The following ARHGAP24 variants were observed in gnomAD, a reference collection of about 807,000 sequenced individuals.
ARHGAP24 encodes the protein Rho GTPase activating protein 24.
A neutral mutation model predicts 76.4 loss-of-function variants in ARHGAP24; 50 were observed. The observed-to-expected ratio is 0.65, with a 90% CI of 0.52 to 0.83. The LOEUF is 0.83. ARHGAP24 is among the 40% of genes least tolerant of loss of function. The pLI is 0.00. For synonymous variants in ARHGAP24, 345 were observed against 323.3 expected (o/e 1.07, Z -0.72); for missense variants, 930 against 914.2 (o/e 1.02, Z -0.22).
intron 2 of ARHGAP24, among the ~76,000 whole-genome samples, chr4:85,618,142 C>G (rs1301928117): frequency 6.6e-6 from 1 of 152,136 alleles, no homozygotes; most frequent in Non-Finnish European, 1.5e-5. Context: ...CAACATCTCC[C>G]CATTTCCTGT....
intron 2 of ARHGAP24, among the ~76,000 whole-genome samples, chr4:85,719,690 C>T (rs34056429): frequency 0.15 from 22,915 of 152,126 alleles, 2,382 homozygotes; most frequent in East Asian, 0.55. Flanking sequence ...TAGCCGTTAA[C>T]TATATGCCAG....
intron 3 of ARHGAP24, among the ~76,000 whole-genome samples, chr4:85,826,413 C>A (rs755609115): frequency 3.3e-5 from 5 of 152,142 alleles, no homozygotes; most frequent in Middle Eastern, 3.2e-3. Flanking sequence ...AAACACTAGA[C>A]GGGGCTCATG....
intron 2 of ARHGAP24, among the ~76,000 whole-genome samples, chr4:85,665,965 A>C (rs2109996902): frequency 1.3e-5 from 2 of 152,164 alleles, no homozygotes; most frequent in East Asian, 3.9e-4. Flanking sequence ...CCTTCATTTC[A>C]ACTTTGGTGA....
intron 1 of ARHGAP24, among the ~76,000 whole-genome samples, chr4:85,556,020 G>T (rs895224806): frequency 6.6e-6 from 1 of 152,066 alleles, no homozygotes; most frequent in Non-Finnish European, 1.5e-5. Flanking sequence ...GGGGCTTTTG[G>T]TTGCCTCTGG....
chr4:85,640,326 T>C (rs1237967772), intron 2 of ARHGAP24, among the ~76,000 whole-genome samples: 2 of 152,142 alleles, frequency 1.3e-5, no homozygotes, highest in African/African-American at 4.8e-5. Flanking sequence ...TTCACCCACC[T>C]TTCCATCTGC....
At chr4:85,700,726 G>T (rs1402731559) in intron 2 of ARHGAP24, among the ~76,000 whole-genome samples, 1 of 152,120 alleles carries the variant, frequency 6.6e-6, no homozygotes, top group Non-Finnish European at 1.5e-5. Flanking sequence ...CTTGAAACGT[G>T]AACTTATACT....
At chr4:85,779,000 A>C in intron 3 of ARHGAP24, 1 of 985,376 alleles carries the variant, frequency 1.0e-6, no homozygotes, top group Non-Finnish European at 1.2e-6. Context: ...TTCAGGGTTC[A>C]TTTGTTTTGG....
intron 2 of ARHGAP24, among the ~76,000 whole-genome samples, chr4:85,683,105 TGTGTGGG>T (rs1723269581): frequency 7.6e-5 from 1 of 13,198 alleles, no homozygotes; most frequent in Non-Finnish European, 1.3e-4. Flanking sequence ...ACTCTCTCAG[TGTGTGGG>T]GGGGTGGGGG....
chr4:85,817,973 C>G (rs1287131205), intron 3 of ARHGAP24, among the ~76,000 whole-genome samples: 13 of 152,126 alleles, frequency 8.5e-5, no homozygotes, highest in Admixed American at 7.9e-4. Flanking sequence ...TTTCCCAAGT[C>G]TTATTTCATA....
At chr4:85,810,398 T>G (rs1349611969) in intron 3 of ARHGAP24, among the ~76,000 whole-genome samples, 1 of 152,208 alleles carries the variant, frequency 6.6e-6, no homozygotes, top group Non-Finnish European at 1.5e-5. Context: ...TACAGGCATA[T>G]GCATCAACGT....
At chr4:85,699,456 G>A (rs1723987212) in intron 2 of ARHGAP24, among the ~76,000 whole-genome samples, 1 of 152,212 alleles carries the variant, frequency 6.6e-6, no homozygotes, top group East Asian at 1.9e-4. Flanking sequence ...AAAAAAGTTA[G>A]CCAGATGTGG....
At position 85,965,322 on chromosome 4, in the gene ARHGAP24, A is replaced by G. The variant is rs568831170; in HGVS notation, c.600-6714A>G. 2.2e-4 allele frequency among the ~76,000 whole-genome samples: 33 copies of G among 152,186 alleles called. No individual in the cohort carries two copies. The South Asian group carries it at 6.8e-3, about 32-fold the overall frequency. On this transcript the variant is annotated intron_variant, in intron 5 of 9. Coordinates refer to ENST00000395184, the MANE Select transcript of ARHGAP24 (RefSeq NM_001025616.3). ...TTCACTATCATGAGAACAGCACAGG[A>G]AAGACCAGCCCCCATGATTCGATCA...
chr4:85,743,391 T>C (rs1725896997), intron 3 of ARHGAP24, among the ~76,000 whole-genome samples: 2 of 57,610 alleles, frequency 3.5e-5, no homozygotes, highest in African/African-American at 8.5e-5. Flanking sequence ...GGATCCCATC[T>C]CAAAAAAAAA....
intron 3 of ARHGAP24, among the ~76,000 whole-genome samples, chr4:85,880,893 A>G (rs533532083): frequency 3.3e-5 from 5 of 152,284 alleles, no homozygotes; most frequent in African/African-American, 1.2e-4. Flanking sequence ...CCTTCTTCAC[A>G]AATTCACAGG....
chr4:85,846,619 C>T (rs138889985), intron 3 of ARHGAP24, among the ~76,000 whole-genome samples: 17 of 152,294 alleles, frequency 1.1e-4, no homozygotes, highest in Admixed American at 2.0e-4. Context: ...TCTCAGACAT[C>T]GCATAGTGGT....
At chr4:85,716,313 A>T (rs1482086) in intron 2 of ARHGAP24, among the ~76,000 whole-genome samples, 3 of 152,050 alleles carry the variant, frequency 2.0e-5, no homozygotes, top group African/African-American at 7.2e-5. Flanking sequence ...GTGTGGTTAC[A>T]AATTGTGTCG....
intron 2 of ARHGAP24, among the ~76,000 whole-genome samples, chr4:85,622,658 T>C (rs1381453642): frequency 2.0e-5 from 3 of 152,186 alleles, no homozygotes; most frequent in Non-Finnish European, 4.4e-5. Context: ...TCTAGATCCC[T>C]GAGGAATCGC....
chr4:85,862,022 T>G (rs1219617728), intron 3 of ARHGAP24, among the ~76,000 whole-genome samples: 2 of 152,040 alleles, frequency 1.3e-5, no homozygotes, highest in Non-Finnish European at 2.9e-5. Context: ...GCAGCCAAGT[T>G]TATTATTCAT....
intron 3 of ARHGAP24, among the ~76,000 whole-genome samples, chr4:85,790,549 C>A (rs1209199995): frequency 6.6e-6 from 1 of 152,066 alleles, no homozygotes; most frequent in Non-Finnish European, 1.5e-5. Flanking sequence ...TTGCTCTTCC[C>A]AGAGTAAAAA....
Sources: allele counts gnomAD v4.1 joint callset (sites outside exome capture counted in the v4.1 genomes callset), GRCh38; gene constraint gnomAD v4.1.1; transcripts MANE v1.5; gene names NCBI Gene and HGNC (gene_info 2026-07-23, HGNC 2026-07-21).